The following PCDH9 variants were observed in gnomAD, a reference collection of about 807,000 sequenced individuals.
PCDH9 encodes the protein protocadherin 9, also known as protocadherin-9.
A neutral mutation model predicts 70.6 loss-of-function variants in PCDH9; 24 were observed. That is an observed-to-expected ratio of 0.34 (90% CI 0.25 to 0.48). The LOEUF is 0.48. Ranked by LOEUF, PCDH9 falls within the 20% of genes least tolerant of loss-of-function variation. PCDH9 has a pLI of 0.99. For synonymous variants in PCDH9, 562 were observed against 558.5 expected (o/e 1.01, Z -0.09); for missense variants, 1,281 against 1,503.6 (o/e 0.85, Z 2.45).
intron 2 of PCDH9, among the ~76,000 whole-genome samples, chr13:67,080,259 A>G (rs1186216860): frequency 1.3e-5 from 2 of 152,192 alleles, no homozygotes. Flanking sequence ...TAAATTAATA[A>G]CATTTATGGT....
intron 3 of PCDH9, among the ~76,000 whole-genome samples, chr13:66,819,547 GA>G (rs2080672554): frequency 6.6e-6 from 1 of 152,014 alleles, no homozygotes; most frequent in South Asian, 2.1e-4. Context: ...GACTTTCAGG[GA>G]GTCCCTTAAA....
At chr13:66,564,134 C>T (rs1185655504) in intron 4 of PCDH9, among the ~76,000 whole-genome samples, 1 of 152,020 alleles carries the variant, frequency 6.6e-6, no homozygotes, top group Non-Finnish European at 1.5e-5. Flanking sequence ...GCAACAAGGA[C>T]ATTGACCACT....
intron 4 of PCDH9, among the ~76,000 whole-genome samples, chr13:66,566,742 G>A (rs550231246): frequency 4.5e-5 from 3 of 66,564 alleles, no homozygotes; most frequent in Non-Finnish European, 9.0e-5. Context: ...CCAAGGGCCC[G>A]TCTTGATGGT....
At chr13:66,388,946 T>C (rs1018197009) in intron 4 of PCDH9, among the ~76,000 whole-genome samples, 3 of 152,174 alleles carry the variant, frequency 2.0e-5, no homozygotes, top group African/African-American at 4.8e-5. Flanking sequence ...AAATTAACCA[T>C]ATTTTGTCTT....
chr13:66,342,410 T>C (rs1292164654), intron 4 of PCDH9, among the ~76,000 whole-genome samples: 4 of 152,204 alleles, frequency 2.6e-5, no homozygotes, highest in African/African-American at 9.6e-5. Context: ...CAAAATAATT[T>C]ATGGTTATAA....
chr13:67,067,784 G>A (rs1485702427), intron 2 of PCDH9, among the ~76,000 whole-genome samples: 1 of 137,164 alleles, frequency 7.3e-6, no homozygotes. Context: ...AGCGATGGGG[G>A]GGGCAGTTTC....
At chr13:66,877,081 T>G (rs201119644) in intron 3 of PCDH9, among the ~76,000 whole-genome samples, 1 of 151,166 alleles carries the variant, frequency 6.6e-6, no homozygotes, top group Non-Finnish European at 1.5e-5. Context: ...GATAGAAAAG[T>G]CAGTCTTTTA....
chr13:66,413,235 T>C (rs1028962942), intron 4 of PCDH9, among the ~76,000 whole-genome samples: 4 of 152,186 alleles, frequency 2.6e-5, no homozygotes, highest in Non-Finnish European at 4.4e-5. Context: ...CTTAAGTTGT[T>C]CCTAAAGAAA....
chr13:66,821,847 G>T (rs77422219), intron 3 of PCDH9, among the ~76,000 whole-genome samples: 4,885 of 152,154 alleles, frequency 0.032, 268 homozygotes, highest in African/African-American at 0.11. Context: ...TGTTAATTTT[G>T]CCTGGAGACA....
chr13:66,646,557 A>G (rs2077773758), intron 3 of PCDH9, among the ~76,000 whole-genome samples: 1 of 152,198 alleles, frequency 6.6e-6, no homozygotes, highest in Non-Finnish European at 1.5e-5. Flanking sequence ...AGTAAAATGA[A>G]ATAACTGACT....
chr13:66,485,399 A>T (rs567108252), intron 4 of PCDH9, among the ~76,000 whole-genome samples: 1 of 152,356 alleles, frequency 6.6e-6, no homozygotes, highest in East Asian at 1.9e-4. Flanking sequence ...TTAAGTTAAT[A>T]AAATAATATG....
At chr13:66,561,235 C>T (rs1962013189) in intron 4 of PCDH9, among the ~76,000 whole-genome samples, 1 of 152,234 alleles carries the variant, frequency 6.6e-6, no homozygotes, top group Non-Finnish European at 1.5e-5. Flanking sequence ...CAATTTCTCA[C>T]CGGGCCTTAG....
At chr13:66,692,642 T>C (rs1333015481) in intron 3 of PCDH9, among the ~76,000 whole-genome samples, 2 of 152,074 alleles carry the variant, frequency 1.3e-5, no homozygotes, top group African/African-American at 2.4e-5. Flanking sequence ...GGATACTATA[T>C]AATATTTTAC....
intron 4 of PCDH9, among the ~76,000 whole-genome samples, chr13:66,479,927 G>A (rs34906112): frequency 0.31 from 46,678 of 151,880 alleles, 7,239 homozygotes; most frequent in South Asian, 0.35. Flanking sequence ...GTGGCAACCC[G>A]CTCGGGTCCC....
intron 4 of PCDH9, among the ~76,000 whole-genome samples, chr13:66,523,333 C>T (rs768713846): frequency 1.3e-5 from 2 of 151,774 alleles, no homozygotes; most frequent in African/African-American, 4.8e-5. Context: ...ACTATTATGA[C>T]CATTTAACAG....
chr13:67,168,331 C>T (rs1001024413), intron 2 of PCDH9, among the ~76,000 whole-genome samples: 13 of 152,020 alleles, frequency 8.6e-5, no homozygotes, highest in African/African-American at 2.4e-4. Flanking sequence ...TGATACAGAA[C>T]GTTCATAACC....
chr13:66,855,694 G>A (rs1875620028), intron 3 of PCDH9, among the ~76,000 whole-genome samples: 1 of 151,966 alleles, frequency 6.6e-6, no homozygotes, highest in African/African-American at 2.4e-5. Context: ...GGCTCAGAGA[G>A]TTCAGGAATT....
chr13:67,027,387 C>T (rs1229921135), intron 2 of PCDH9, among the ~76,000 whole-genome samples: 2 of 152,170 alleles, frequency 1.3e-5, no homozygotes, highest in African/African-American at 2.4e-5. Flanking sequence ...GAAACTGGAT[C>T]CCTTCCTTAC....
intron 4 of PCDH9, among the ~76,000 whole-genome samples, chr13:66,415,890 C>A (rs1158884358): frequency 6.6e-6 from 1 of 151,970 alleles, no homozygotes. Flanking sequence ...CATAAGCAGT[C>A]ACATAATACT....
Sources: gnomAD v4.1 joint callset for allele counts (sites outside exome capture counted in the v4.1 genomes callset) on GRCh38, gnomAD v4.1.1 for gene constraint, MANE v1.5 for transcripts, NCBI Gene and HGNC (gene_info 2026-07-23, HGNC 2026-07-21) for gene names.